The following PLCH1 variants were observed in gnomAD, a reference collection of about 807,000 sequenced individuals.
The protein encoded by PLCH1 is phospholipase C eta 1.
Under a neutral mutation model 126.7 loss-of-function variants are expected in PLCH1, and 60 were observed. The observed-to-expected ratio is 0.47, with a 90% CI of 0.38 to 0.59. The LOEUF (loss-of-function observed/expected upper bound fraction) is 0.59. Among genes scored for constraint, PLCH1 ranks in the 20% least tolerant of loss-of-function variants. The probability of loss-of-function intolerance (pLI) is 0.00; values close to 1 mark genes in which losing one functional copy is unlikely to be tolerated. For missense variants in PLCH1, 1,723 were observed against 2,040.0 expected (o/e 0.84, Z 2.99); for synonymous variants, 719 against 734.9 (o/e 0.98, Z 0.35).
chr3:155,605,314 G>A (rs767938161), intron 2 of PLCH1, among the ~76,000 whole-genome samples: 6 of 152,114 alleles, frequency 3.9e-5, no homozygotes, highest in South Asian at 2.1e-4. Flanking sequence ...ATTTCTGAGA[G>A]TAAATTCTTG....
chr3:155,633,468 G>A (rs1326970407), intron 2 of PLCH1, among the ~76,000 whole-genome samples: 1 of 148,826 alleles, frequency 6.7e-6, no homozygotes, highest in African/African-American at 2.5e-5. Context: ...ACACCTACTT[G>A]CATTATTATT....
At chr3:155,518,704 G>T (rs1421840567) in intron 11 of PLCH1, among the ~76,000 whole-genome samples, 1 of 152,054 alleles carries the variant, frequency 6.6e-6, no homozygotes, top group African/African-American at 2.4e-5. Flanking sequence ...AAGACCCAGG[G>T]CCCAAAGGAG....
chr3:155,460,787 AAGATAGATAGATAGATAGAT>A lies in PLCH1; in HGVS notation c.2938+24549_2938+24568del, dbSNP rs142518324. 2.9e-3 allele frequency among the ~76,000 whole-genome samples: 418 copies of A among 146,474 alleles called. 5 individuals carry two copies. The East Asian group carries it at 0.037, about 13-fold the overall frequency. The stretch of plus-strand genomic sequence containing the variant: ...ATGATAGATAGATAGATAGATATAG[AAGATAGATAGATAGATAGAT>A]AGATAGATAGATAGATAGATAGATA... On this transcript the variant is annotated intron_variant, in intron 21 of 21. Transcript: ENST00000494598.
rs145502391 is a variant in PLCH1, at chr3:155,609,283, G to A, written c.80-12905C>T. ...ATGCCCCACTGGGTGGCTAGACCCA[G>A]AAGAGCAATAAGAATCACTGCAGTT... On this transcript the variant is annotated intron_variant, in intron 2 of 22. Coordinates refer to ENST00000460012, the MANE Select transcript of PLCH1 (RefSeq NM_014996.4). Among the ~76,000 whole-genome samples the A allele has an allele frequency of 3.4e-3, 511 of 152,262 alleles. 3 individuals carry two copies. Among genetic ancestry groups the A allele is most frequent in the African/African-American group, 0.012 (481 of 41,548 alleles).
At chr3:155,685,820 G>A (rs1744890946) in intron 2 of PLCH1, among the ~76,000 whole-genome samples, 2 of 152,132 alleles carry the variant, frequency 1.3e-5, no homozygotes, top group Admixed American at 6.5e-5. Context: ...ATTTCAAAAT[G>A]GCAACAGCAA....
intron 2 of PLCH1, among the ~76,000 whole-genome samples, chr3:155,680,826 A>G (rs980646492): frequency 1.3e-5 from 2 of 152,210 alleles, no homozygotes; most frequent in African/African-American, 4.8e-5. Context: ...ATTGTCTACC[A>G]AAAAGGGAAT....
chr3:155,666,895 T>G (rs1016025516), intron 2 of PLCH1, among the ~76,000 whole-genome samples: 12 of 21,696 alleles, frequency 5.5e-4, no homozygotes, highest in African/African-American at 2.1e-3. Context: ...ACAGATGAGG[T>G]GTGTGTGTGT....
At chr3:155,462,744 G>A (rs1712776064) in intron 21 of PLCH1, among the ~76,000 whole-genome samples, 1 of 152,144 alleles carries the variant, frequency 6.6e-6, no homozygotes, top group African/African-American at 2.4e-5. Context: ...CTCGCACAGT[G>A]GTTAAGTCCC....
chr3:155,626,998 A>G (rs1737387363), intron 2 of PLCH1, among the ~76,000 whole-genome samples: 1 of 152,144 alleles, frequency 6.6e-6, no homozygotes, highest in Non-Finnish European at 1.5e-5. Flanking sequence ...CAATTCACAG[A>G]AGTAACCAAT....
chr3:155,492,599 G>T, intron 18 of PLCH1, 130 bp downstream of exon 18: 3 of 704,802 alleles, frequency 4.3e-6, no homozygotes, highest in Non-Finnish European at 6.3e-6. Context: ...ATCAGTTAAT[G>T]TCTGATAAGC....
intron 10 of PLCH1, among the ~76,000 whole-genome samples, chr3:155,530,534 G>A (rs1310156063): frequency 6.6e-6 from 1 of 151,896 alleles, no homozygotes; most frequent in Non-Finnish European, 1.5e-5. Flanking sequence ...AGCCAGGCTG[G>A]TCTCCATCTC....
chr3:155,459,198 T>C (rs1439786349), intron 21 of PLCH1, among the ~76,000 whole-genome samples: 1 of 152,202 alleles, frequency 6.6e-6, no homozygotes, highest in Admixed American at 6.5e-5. Flanking sequence ...TAGATACTTA[T>C]GATGACATTG....
chr3:155,498,551 A>G (rs1717408456), intron 14 of PLCH1, among the ~76,000 whole-genome samples: 1 of 152,212 alleles, frequency 6.6e-6, no homozygotes, highest in Non-Finnish European at 1.5e-5. Context: ...AGGGAACTAC[A>G]TGGCCTTTGC....
intron 2 of PLCH1, among the ~76,000 whole-genome samples, chr3:155,689,004 T>G (rs7651444): frequency 0.22 from 33,628 of 152,124 alleles, 4,227 homozygotes; most frequent in African/African-American, 0.35. Context: ...CTAGGGCAAG[T>G]CCCAGTCAGT....
At chr3:155,676,816 T>C (rs1166379807) in intron 2 of PLCH1, among the ~76,000 whole-genome samples, 1 of 151,886 alleles carries the variant, frequency 6.6e-6, no homozygotes, top group East Asian at 1.9e-4. Context: ...AAACACTTAC[T>C]CGGTGGAGGC....
intron 3 of PLCH1, among the ~76,000 whole-genome samples, chr3:155,595,901 C>G (rs1732916863): frequency 6.6e-6 from 1 of 151,950 alleles, no homozygotes; most frequent in Admixed American, 6.6e-5. Flanking sequence ...TTTTAAAGCC[C>G]ATTAGCTTTA....
intron 2 of PLCH1, among the ~76,000 whole-genome samples, chr3:155,615,730 C>T (rs998280107): frequency 2.0e-5 from 3 of 150,912 alleles, no homozygotes; most frequent in Admixed American, 2.0e-4. Flanking sequence ...GACACAAAGG[C>T]ATAAGAATGA....
intron 2 of PLCH1, among the ~76,000 whole-genome samples, chr3:155,684,627 G>A (rs977198069): frequency 6.6e-6 from 1 of 152,092 alleles, no homozygotes; most frequent in Non-Finnish European, 1.5e-5. Flanking sequence ...GCCCTTAAAT[G>A]GTTGAGGCAG....
chr3:155,487,894 C>T, intron 21 of PLCH1, 134 bp downstream of exon 21: 6 of 613,662 alleles, frequency 9.8e-6, no homozygotes, highest in South Asian at 9.6e-5. Context: ...GCAGACTGGG[C>T]TTGCTGGGCC....
Sources: allele counts gnomAD v4.1 joint callset (sites outside exome capture counted in the v4.1 genomes callset), GRCh38; gene constraint gnomAD v4.1.1; transcripts MANE v1.5; gene names NCBI Gene and HGNC (gene_info 2026-07-23, HGNC 2026-07-21).